Variants in ATAD2B observed in about 807,000 individuals in gnomAD.
ATAD2B encodes ATPase family AAA domain containing 2B, also known as ATPase family AAA domain-containing protein 2B.
A neutral mutation model predicts 167.6 loss-of-function variants in ATAD2B; 40 were observed. That is an observed-to-expected ratio of 0.24 (90% CI 0.19 to 0.31). The LOEUF is 0.31. Among genes scored for constraint, ATAD2B ranks in the 10% least tolerant of loss-of-function variants. The pLI is 1.00. For synonymous variants in ATAD2B, 579 were observed against 596.5 expected (o/e 0.97, Z 0.43); for missense variants, 1,242 against 1,757.2 (o/e 0.71, Z 5.24).
chr2:23,692,127 C>T, the ATAD2B span, among the ~76,000 whole-genome samples: 5 of 152,304 alleles, frequency 3.3e-5, no homozygotes, highest in Middle Eastern at 3.4e-3. Context: ...TACTGTGCCC[C>T]GCCAGGCCTT....
intron 6 of ATAD2B, chr2:23,883,600 T>C (rs1247337128): frequency 3.9e-6 from 5 of 1,296,476 alleles, no homozygotes; most frequent in East Asian, 5.6e-5. Context: ...TCACCTATAC[T>C]GATTTTCTCC....
the ATAD2B span, among the ~76,000 whole-genome samples, chr2:23,704,403 T>G: frequency 1.3e-5 from 2 of 152,204 alleles, no homozygotes; most frequent in East Asian, 3.9e-4. Context: ...TCTGGCCCTG[T>G]GGCAGCGAGA....
chr2:23,701,959 T>C, the ATAD2B span, among the ~76,000 whole-genome samples: 51 of 149,652 alleles, frequency 3.4e-4, no homozygotes, highest in Non-Finnish European at 3.7e-4. Flanking sequence ...ATTACAGGCA[T>C]GTGCCACCAT....
chr2:23,819,492 C>CAAAAA (rs1171377752), intron 17 of ATAD2B, among the ~76,000 whole-genome samples: 1 of 76,208 alleles, frequency 1.3e-5, no homozygotes, highest in Non-Finnish European at 2.8e-5. Flanking sequence ...CTCTGCCTCC[C>CAAAAA]AAAAAAAAAA....
At chr2:23,740,149 T>C in the ATAD2B span, among the ~76,000 whole-genome samples, 2 of 152,218 alleles carry the variant, frequency 1.3e-5, no homozygotes, top group Non-Finnish European at 2.9e-5. Flanking sequence ...CCAATCCTTC[T>C]GAAACTATTC....
the ATAD2B span, among the ~76,000 whole-genome samples, chr2:23,687,421 A>G: frequency 6.6e-6 from 1 of 152,196 alleles, no homozygotes. Context: ...GGTGCCTGCC[A>G]GACCCAACCC....
intron 10 of ATAD2B, among the ~76,000 whole-genome samples, chr2:23,866,791 C>G (rs1016402736): frequency 6.6e-6 from 1 of 152,126 alleles, no homozygotes; most frequent in Admixed American, 6.6e-5. Flanking sequence ...TATTTTAAAT[C>G]TCTCTATGGA....
chr2:23,715,618 T>C, the ATAD2B span, among the ~76,000 whole-genome samples: 1 of 152,176 alleles, frequency 6.6e-6, no homozygotes, highest in African/African-American at 2.4e-5. Context: ...TTTTTAATAT[T>C]TGTATTTAGA....
chr2:23,854,304 T>C (rs1203207188), intron 13 of ATAD2B, among the ~76,000 whole-genome samples: 1 of 151,954 alleles, frequency 6.6e-6, no homozygotes, highest in African/African-American at 2.4e-5. Flanking sequence ...CCTTAAACTA[T>C]CTACAAAAAT....
chr2:23,745,416 GGAAGGAAA>G (rs1363012715), downstream of ATAD2B, among the ~76,000 whole-genome samples: 1 of 110,980 alleles, frequency 9.0e-6, no homozygotes, highest in African/African-American at 3.6e-5. Context: ...AAGGAAGGAA[GGAAGGAAA>G]GGGAAGGGAA....
the ATAD2B span, chr2:23,696,419 G>A: frequency 6.4e-7 from 1 of 1,551,390 alleles, no homozygotes. This position sits in a 1 kb window ranked among gnomAD's most constrained non-coding sequence, Gnocchi z 5.5. Flanking sequence ...CAGAATGACA[G>A]TCCCCCGCTG....
intron 14 of ATAD2B, among the ~76,000 whole-genome samples, chr2:23,830,869 A>T (rs1300980465): frequency 1.3e-5 from 2 of 152,054 alleles, no homozygotes; most frequent in African/African-American, 4.8e-5. Context: ...TAAAAAAAAA[A>T]TTATGCTGGA....
intron 1 of ATAD2B, among the ~76,000 whole-genome samples, chr2:23,912,912 C>A (rs537138705): frequency 4.3e-4 from 65 of 152,294 alleles, no homozygotes; most frequent in African/African-American, 1.3e-3. Context: ...AGGAGAATCA[C>A]TGGAAACCAG....
At chr2:23,804,292 T>C (rs1411888329) in intron 18 of ATAD2B, among the ~76,000 whole-genome samples, 1 of 152,210 alleles carries the variant, frequency 6.6e-6, no homozygotes, top group East Asian at 1.9e-4. Context: ...AAGACACATA[T>C]AATCACAGAT....
chr2:23,790,267 C>T (rs566528783), intron 19 of ATAD2B, among the ~76,000 whole-genome samples: 1 of 152,208 alleles, frequency 6.6e-6, no homozygotes, highest in East Asian at 1.9e-4. Context: ...TGATACTATG[C>T]TGGGAGTACT....
chr2:23,912,970 TG>T (rs1372144276), intron 1 of ATAD2B, among the ~76,000 whole-genome samples: 2 of 152,180 alleles, frequency 1.3e-5, no homozygotes, highest in Non-Finnish European at 2.9e-5. Context: ...CACTCTAGCC[TG>T]GGTGACAGGG....
chr2:23,780,249 A>C (rs1307355136), intron 22 of ATAD2B, among the ~76,000 whole-genome samples: 1 of 141,490 alleles, frequency 7.1e-6, no homozygotes, highest in Non-Finnish European at 1.5e-5. Context: ...TGCTGTCTCC[A>C]AAAAAAAAAG....
At chr2:23,762,115 A>G (rs1676820765) in intron 24 of ATAD2B, 94 bp downstream of exon 24, 3 of 1,311,854 alleles carry the variant, frequency 2.3e-6, no homozygotes, top group Non-Finnish European at 3.1e-6. Context: ...AGCTATGGGA[A>G]AAGAGCGGCA....
intron 8 of ATAD2B, among the ~76,000 whole-genome samples, 151 bp from the exon 9 acceptor site, chr2:23,869,912 A>C (rs900646986): frequency 2.0e-5 from 3 of 152,138 alleles, no homozygotes; most frequent in African/African-American, 4.8e-5. Context: ...TGAAGTATAA[A>C]GGTAGCAAGT....
Sources: allele counts gnomAD v4.1 joint callset (sites outside exome capture counted in the v4.1 genomes callset), GRCh38; gene constraint gnomAD v4.1.1; non-coding constraint Gnocchi (gnomAD v3.1); transcripts MANE v1.5; gene names NCBI Gene and HGNC (gene_info 2026-07-23, HGNC 2026-07-21).